ADAMTSL1: variants seen among roughly 807,000 people sequenced by gnomAD.
ADAMTSL1 encodes ADAMTS like 1, also known as ADAMTS-like protein 1.
ADAMTSL1 carries 126 observed loss-of-function variants against 201.8 expected under a neutral mutation model. The ratio of observed to expected loss-of-function variants is 0.62; its 90% CI spans 0.54 to 0.72. The LOEUF is 0.72. ADAMTSL1 is among the 30% of genes least tolerant of loss of function. ADAMTSL1 has a pLI of 0.00. For synonymous variants in ADAMTSL1, 1,121 were observed against 903.4 expected (o/e 1.24, Z -4.32); for missense variants, 2,679 against 2,277.8 (o/e 1.18, Z -3.59).
chr9:18,643,900 T>A lies in ADAMTSL1; in HGVS notation c.834+4489T>A, dbSNP rs530458601. 2.0e-5 allele frequency among the ~76,000 whole-genome samples: 3 copies of A among 152,036 alleles called. No individual in the cohort carries two copies. The South Asian group carries it at 6.2e-4, about 31-fold the overall frequency. On this transcript the variant is annotated intron_variant, in intron 7 of 28. Coordinates refer to ENST00000380548, the MANE Select transcript of ADAMTSL1 (RefSeq NM_001040272.6). ...TTCCATTTGAATTTTAGGGTTTTTTTTTCCATTTCTGTGAAAAATGTCATT... is the reference window on the plus strand; with the variant it reads ...TTCCATTTGAATTTTAGGGTTTTTTATTCCATTTCTGTGAAAAATGTCATT...
At chr9:18,005,076 C>G (rs1397650403) in intron 1 of ADAMTSL1, among the ~76,000 whole-genome samples, 4 of 152,070 alleles carry the variant, frequency 2.6e-5, no homozygotes, top group African/African-American at 9.7e-5. Context: ...AAGTTTGATC[C>G]GTGCTCTGAC....
At chr9:18,881,733 C>T (rs889750324) in intron 23 of ADAMTSL1, among the ~76,000 whole-genome samples, 1 of 152,206 alleles carries the variant, frequency 6.6e-6, no homozygotes. Flanking sequence ...ATGCAGGATC[C>T]ATGAAGTGCA....
At chr9:18,194,907 T>G (rs912089477) in intron 2 of ADAMTSL1, among the ~76,000 whole-genome samples, 2 of 152,104 alleles carry the variant, frequency 1.3e-5, no homozygotes, top group Non-Finnish European at 2.9e-5. Context: ...AAGGAGTGGG[T>G]GACACACAAG....
At chr9:18,443,268 C>G (rs1820066915) in intron 2 of ADAMTSL1, among the ~76,000 whole-genome samples, 1 of 152,184 alleles carries the variant, frequency 6.6e-6, no homozygotes, top group South Asian at 2.1e-4. Flanking sequence ...CTTAACTGTT[C>G]TAGCTTTCCT....
chr9:18,886,164 G>GTGTATGTA (rs66488956), intron 23 of ADAMTSL1, among the ~76,000 whole-genome samples: 14 of 62,198 alleles, frequency 2.3e-4, no homozygotes, highest in Non-Finnish European at 4.1e-4. Context: ...GAGTGTGTAT[G>GTGTATGTA]TGTATATATA....
At chr9:18,380,911 A>T (rs959251974) in intron 2 of ADAMTSL1, among the ~76,000 whole-genome samples, 3 of 152,190 alleles carry the variant, frequency 2.0e-5, no homozygotes, top group African/African-American at 7.2e-5. Flanking sequence ...ACCAAAGAGA[A>T]CCCTTTATGC....
chr9:18,314,831 C>G (rs1242363602), intron 2 of ADAMTSL1, among the ~76,000 whole-genome samples: 5 of 101,554 alleles, frequency 4.9e-5, no homozygotes, highest in Non-Finnish European at 9.0e-5. Context: ...GAGTCTTGCT[C>G]TGTCGCCCAG....
Position 18,417,410 on chromosome 9 carries a change from A to G in ADAMTSL1, c.208-87419A>G, listed in dbSNP as rs552099129. On this transcript the variant is annotated intron_variant, in intron 2 of 29. Coordinates refer to the ADAMTSL1 transcript ENST00000680146. ...AAAAAAAACAAAGATGAGGGCAGAA[A>G]TTAATTTAAATTGAAAAACAATAGA... Among the ~76,000 whole-genome samples, 42 of 150,954 alleles carry G rather than the reference A, an allele frequency of 2.8e-4. No homozygotes were observed. In the Middle Eastern group the frequency reaches 0.01, roughly 37 times the overall value.
intron 2 of ADAMTSL1, among the ~76,000 whole-genome samples, chr9:18,268,102 G>A (rs1028859124): frequency 6.6e-6 from 1 of 152,124 alleles, no homozygotes; most frequent in Non-Finnish European, 1.5e-5. Context: ...GCATTAAATT[G>A]TCTTTTAGCA....
At chr9:18,471,666 C>G (rs1392945303), upstream of ADAMTSL1, among the ~76,000 whole-genome samples, 1 of 152,174 alleles carries the variant, frequency 6.6e-6, no homozygotes, top group African/African-American at 2.4e-5. Context: ...CCTAGTTTCT[C>G]TGGGTATTCC....
chr9:18,244,397 A>G (rs534427285), intron 2 of ADAMTSL1, among the ~76,000 whole-genome samples: 1 of 152,236 alleles, frequency 6.6e-6, no homozygotes, highest in African/African-American at 2.4e-5. Context: ...TAAGGTATAC[A>G]TCCAACCTCT....
At chr9:18,865,912 T>C (rs1043761210) in intron 23 of ADAMTSL1, among the ~76,000 whole-genome samples, 4 of 151,922 alleles carry the variant, frequency 2.6e-5, no homozygotes, top group African/African-American at 9.7e-5. Flanking sequence ...GTGGAAATGC[T>C]CCGCATATAC....
intron 1 of ADAMTSL1, among the ~76,000 whole-genome samples, chr9:18,026,484 A>G (rs1258861576): frequency 1.3e-5 from 2 of 151,936 alleles, no homozygotes; most frequent in Non-Finnish European, 2.9e-5. Flanking sequence ...TTTATTTTTA[A>G]ATCTGTTTAT....
intron 5 of ADAMTSL1, among the ~76,000 whole-genome samples, chr9:18,625,239 T>C (rs559915557): frequency 2.6e-5 from 4 of 151,784 alleles, no homozygotes; most frequent in East Asian, 3.9e-4. Context: ...ATTCCCCACA[T>C]TGAACTCACT....
At chr9:18,460,537 G>C (rs561665166) in intron 2 of ADAMTSL1, among the ~76,000 whole-genome samples, 1 of 152,246 alleles carries the variant, frequency 6.6e-6, no homozygotes, top group East Asian at 1.9e-4. Flanking sequence ...CAGATTTTGT[G>C]ATGCCTGTGT....
At position 18,417,915 on chromosome 9, in the gene ADAMTSL1, AT is replaced by A. The variant is rs1322659497; in HGVS notation, c.208-86913del. ...CTGATACAAAAACCAGACAAAGATA[AT>A]AAAAAATAACACTATAGAGCACAAA... is the stretch of plus-strand genomic sequence containing the variant. On this transcript the variant is annotated intron_variant, in intron 2 of 29. Transcript: ENST00000680146. Among the ~76,000 whole-genome samples, 6 of 152,318 alleles carry A rather than the reference AT, an allele frequency of 3.9e-5. No individual in the cohort carries two copies. The East Asian group carries it at 1.2e-3, about 29-fold the overall frequency.
At chr9:18,701,538 C>T (rs1376733420) in intron 13 of ADAMTSL1, among the ~76,000 whole-genome samples, 4 of 152,130 alleles carry the variant, frequency 2.6e-5, no homozygotes, top group Non-Finnish European at 5.9e-5. Context: ...TAATTTTTCT[C>T]ACATATTATT....
intron 1 of ADAMTSL1, among the ~76,000 whole-genome samples, chr9:18,062,938 A>C (rs77117341): frequency 0.04 from 6,123 of 152,284 alleles, 361 homozygotes; most frequent in African/African-American, 0.13. Flanking sequence ...GTTGAAAAGA[A>C]ACTATTTTGC....
chr9:18,483,255 T>A (rs1159508316), intron 1 of ADAMTSL1, among the ~76,000 whole-genome samples: 1 of 152,234 alleles, frequency 6.6e-6, no homozygotes, highest in Non-Finnish European at 1.5e-5. Context: ...ATTTTGCAGA[T>A]AATTTAATTT....
Sources: gnomAD v4.1 joint callset for allele counts (sites outside exome capture counted in the v4.1 genomes callset) on GRCh38, gnomAD v4.1.1 for gene constraint, MANE v1.5 for transcripts, NCBI Gene and HGNC (gene_info 2026-07-23, HGNC 2026-07-21) for gene names.